PMPCA: variants seen among roughly 807,000 people sequenced by gnomAD.
The protein encoded by PMPCA is peptidase, mitochondrial processing subunit alpha, also known as mitochondrial-processing peptidase subunit alpha.
A neutral mutation model predicts 59.3 loss-of-function variants in PMPCA; 47 were observed. The observed-to-expected ratio is 0.79, with a 90% CI of 0.63 to 1.01. The LOEUF (loss-of-function observed/expected upper bound fraction) is 1.01, where lower values mean the gene tolerates loss of function less well. PMPCA is among the 50% of genes least tolerant of loss of function. PMPCA has a pLI of 0.00. For missense variants in PMPCA, 726 were observed against 704.5 expected (o/e 1.03, Z -0.34); for synonymous variants, 338 against 290.3 (o/e 1.16, Z -1.67).
In PMPCA at chr9:136,422,885, T is replaced by C. The variant is rs1286120329; in HGVS notation, c.1409-210T>C. 7.9e-6 allele frequency: 11 copies of C among 1,385,250 alleles called. No homozygotes were observed. The Admixed American group carries it at 1.5e-4, about 19-fold the overall frequency. 85.8% of individuals were successfully genotyped at this position (1,385,250 alleles called of 1,614,324 possible). A position where few individuals can be genotyped will look rare whatever the true frequency, so the allele number is the denominator to read the frequency against. On this transcript the variant is annotated intron_variant, in intron 12 of 12. Transcript: ENST00000371717. ...GTCCTATATTTTTAAGTCATTGCCA[T>C]GTCCCCATTTACTGAGAACTCAACG...
rs1338271590 is a variant in PMPCA at position 136,423,093 on chromosome 9, A to G, written c.1409-2A>G. 6.2e-7 allele frequency: 1 copy of G among 1,611,092 alleles called. No homozygotes were observed. Among genetic ancestry groups the G allele is most frequent in the Non-Finnish European group, 8.5e-7 (1 of 1,179,028 alleles). ...GTGACACGCGTTTGCCCTCTGCACT[A>G]GGCAACGTGAAGCCGGAAGATGTGA... is the stretch of plus-strand genomic sequence containing the variant. On this transcript the variant is annotated splice_acceptor_variant, in intron 12 of 12. Transcript: ENST00000371717. LOFTEE classifies it high-confidence loss of function.
In PMPCA at chr9:136,414,679, G is replaced by A. The variant is rs769830419; in HGVS notation, c.532+32G>A. On this transcript the variant is annotated intron_variant, in intron 5 of 12. Transcript: ENST00000371717. The stretch of plus-strand genomic sequence containing the variant: ...ATCCCAGCCGCTGGCGTTTGAGGTG[G>A]GCTTGGACATAGGGAAGACCGGAAA... The A allele has an allele frequency of 3.5e-6, 5 of 1,410,480 alleles. No homozygotes were observed. In the African/African-American group the frequency reaches 7.1e-5, roughly 20 times the overall value. The allele number at this position is 1,410,480 out of a possible 1,614,324, so 87.4% of individuals were successfully genotyped here. A position where few individuals can be genotyped will look rare whatever the true frequency, so the allele number is the denominator to read the frequency against.
chr9:136,416,742 CTT>C (rs1835287460), intron 6 of PMPCA: 1 of 594,280 alleles, frequency 1.7e-6, no homozygotes, highest in African/African-American at 1.9e-5. Context: ...CACAATTAAT[CTT>C]AGGCTTTTTG....
At position 136,423,090 on chromosome 9, in the gene PMPCA, A is replaced by G. The variant is rs778197418; in HGVS notation, c.1409-5A>G. On this transcript the variant is annotated splice_region_variant and splice_polypyrimidine_tract_variant and intron_variant, in intron 12 of 12. Transcript: ENST00000371717. ...CGTGTGACACGCGTTTGCCCTCTGC[A>G]CTAGGCAACGTGAAGCCGGAAGATG... The G allele has an allele frequency of 2.5e-6, 4 of 1,610,424 alleles. No individual in the cohort carries two copies. In the African/African-American group the frequency reaches 4.0e-5, roughly 16 times the overall value.
At chr9:136,411,787 C>T (rs1220456607) in intron 1 of PMPCA, among the ~76,000 whole-genome samples, 1 of 152,190 alleles carries the variant, frequency 6.6e-6, no homozygotes, top group Non-Finnish European at 1.5e-5. Flanking sequence ...CAACTAAGAC[C>T]CAAAGGACGG....
At chr9:136,410,776 G>A in intron 1 of PMPCA, 37 bp downstream of exon 1, 2 of 1,371,326 alleles carry the variant, frequency 1.5e-6, no homozygotes, top group Non-Finnish European at 1.9e-6. Context: ...GCCTGGGGCG[G>A]GGGCGGCTCG....
intron 2 of PMPCA, 33 bp downstream of exon 2, chr9:136,412,232 G>A (rs1228876039): frequency 4.0e-6 from 6 of 1,492,038 alleles, no homozygotes; most frequent in Admixed American, 1.7e-5. Flanking sequence ...GGGTGGTCCC[G>A]CAGTTTTAAC....
intron 1 of PMPCA, chr9:136,411,168 A>T (rs1344623314): frequency 6.1e-6 from 1 of 164,128 alleles, no homozygotes; most frequent in Non-Finnish European, 1.3e-5. Flanking sequence ...CCCTTTCCGT[A>T]CCCACCGCTC....
intron 5 of PMPCA, 52 bp downstream of exon 5, chr9:136,414,699 C>T (rs759159006): frequency 8.3e-6 from 10 of 1,198,540 alleles, no homozygotes; most frequent in African/African-American, 4.5e-5. Context: ...TAGGGAAGAC[C>T]GGAAAGGTTT....
rs1156614405 is a variant in PMPCA, at chr9:136,423,381, A to G, written c.*117A>G. On this transcript the variant is annotated 3_prime_UTR_variant, in exon 13 of 13. Transcript: ENST00000371717. The stretch of plus-strand genomic sequence containing the variant: ...GTCTGGTTGTATAAACGGTGCAAAC[A>G]ATGTCGCCACAGCACCCACGCGGTT... 4.6e-6 allele frequency: 5 copies of G among 1,077,514 alleles called. No homozygotes were observed. The highest frequency in any genetic ancestry group is 6.6e-6 in the Non-Finnish European group (5 of 762,016). The allele number at this position is 1,077,514 out of a possible 1,614,324, so 66.7% of individuals were successfully genotyped here.
intron 2 of PMPCA, 60 bp from the exon 3 acceptor site, chr9:136,412,430 C>T (rs373200237): frequency 4.9e-5 from 44 of 892,312 alleles, no homozygotes; most frequent in African/African-American, 4.9e-4. Flanking sequence ...AAATGTTTCT[C>T]TTGATTAAAT....
In PMPCA at chr9:136,421,874, A is replaced by G. The variant is rs775834665; in HGVS notation, c.1306A>G (p.Met436Val). ...RAKTQLTSML[M>V]MNLESRPVIF... Reference sequence around the variant, plus strand: ...CAAGACGCAGCTGACATCAATGCTCATGATGAACCTGGAATCCAGGCCTGT... The same window carrying G: ...CAAGACGCAGCTGACATCAATGCTCGTGATGAACCTGGAATCCAGGCCTGT... The change falls in exon 12 of 13, where the codon ATG becomes GTG. Residue 436 changes from methionine to valine, a missense_variant. Transcript: ENST00000371717. 6.2e-6 allele frequency: 10 copies of G among 1,609,674 alleles called. No homozygotes were observed. In the African/African-American group the frequency reaches 1.2e-4, roughly 19 times the overall value.
Position 136,418,552 on chromosome 9 carries a change from CAGG to C in PMPCA, c.996_998del (p.Glu332del). 1.3e-6 allele frequency: 2 copies of C among 1,582,556 alleles called. No homozygotes were observed. The highest frequency in any genetic ancestry group is 1.7e-6 in the Non-Finnish European group (2 of 1,151,356). ...CAGCCAGCTCTGCCCTCCGTCCCTG[CAGG>C]AGGAGGACTTCATCCCCTTTGCAGT... On this transcript the variant is annotated splice_acceptor_variant and coding_sequence_variant, in exon 9 of 13. Coordinates refer to ENST00000371717, the MANE Select transcript of PMPCA (RefSeq NM_015160.3). LOFTEE classifies it high-confidence loss of function.
chr9:136,412,086 C>T lies in PMPCA; in HGVS notation c.161C>T (p.Pro54Leu). 1.2e-6 allele frequency: 2 copies of T among 1,613,308 alleles called. No individual in the cohort carries two copies. The highest frequency in any genetic ancestry group is 1.7e-6 in the Non-Finnish European group (2 of 1,179,264). The change falls in exon 2 of 13, where the codon CCT (proline) becomes CTT (leucine). Residue 54 changes from proline to leucine, a missense_variant. Physicochemically the swap from Pro to Leu is moderately conservative, Grantham distance 98. Transcript: ENST00000371717. ...LSSPLPGVPK[P>L]VFATVDGQEK... ...TCTCCCTTACCTGGAGTACCCAAGCCTGTTTTTGCTACAGTTGATGGACAG... is the reference window on the plus strand; with the variant it reads ...TCTCCCTTACCTGGAGTACCCAAGCTTGTTTTTGCTACAGTTGATGGACAG...
In PMPCA at chr9:136,412,176, T is replaced by G; in HGVS notation, c.251T>G (p.Phe84Cys). The G allele has an allele frequency of 6.2e-7, 1 of 1,613,742 alleles. No individual in the cohort carries two copies. Among genetic ancestry groups the G allele is most frequent in the Non-Finnish European group, 8.5e-7 (1 of 1,179,694 alleles). Residue 84 changes from phenylalanine to cysteine, a missense_variant, in exon 2 of 13, where the codon TTT becomes TGT. Phe to Cys is a radical substitution (Grantham distance 205). Transcript: ENST00000371717. ...CTTCGCGTGGCATCTCAGAATAAGT[T>G]TGGACAGTTTTGTACAGTAGGAAGT... The part of the protein sequence containing the change: ...NGLRVASQNK[F>C]GQFCTVGILI...
intron 12 of PMPCA, chr9:136,422,718 A>C (rs1229073639): frequency 9.4e-7 from 1 of 1,061,816 alleles, no homozygotes; most frequent in East Asian, 7.3e-5. Context: ...TCCTGGGTGC[A>C]GCCCTTTGGC....
chr9:136,412,771 T>C, intron 3 of PMPCA, 39 bp from the exon 4 acceptor site: 1 of 1,240,340 alleles, frequency 8.1e-7, no homozygotes, highest in Non-Finnish European at 1.2e-6. Context: ...AGGGATAGCC[T>C]GGATTGCTTA....
Position 136,412,791 on chromosome 9 carries a change from C to G in PMPCA, c.355-19C>G. On this transcript the variant is annotated intron_variant, in intron 3 of 12. Transcript: ENST00000371717. ...TAGCCTGGATTGCTTATTTAGGTTT[C>G]CTTATTTATTTTTACTAGTCTACTG... The G allele has an allele frequency of 1.3e-6, 2 of 1,490,452 alleles. No homozygotes were observed. The highest frequency in any genetic ancestry group is 1.9e-6 in the Non-Finnish European group (2 of 1,068,352). The allele number at this position is 1,490,452 out of a possible 1,614,324, so 92.3% of individuals were successfully genotyped here. A position where few individuals can be genotyped will look rare whatever the true frequency, so the allele number is the denominator to read the frequency against.
chr9:136,419,279 C>T (rs1835378424), intron 11 of PMPCA, 173 bp downstream of exon 11: 4 of 699,848 alleles, frequency 5.7e-6, no homozygotes, highest in Admixed American at 2.1e-5. Context: ...TGAGCTGCTC[C>T]ACCTGGGAGC....
Sources: gnomAD v4.1 joint callset for allele counts (sites outside exome capture counted in the v4.1 genomes callset) on GRCh38, gnomAD v4.1.1 for gene constraint, MANE v1.5 for transcripts, NCBI Gene and HGNC (gene_info 2026-07-23, HGNC 2026-07-21) for gene names.